Variants in DLC1 observed in about 807,000 individuals in gnomAD.
DLC1 encodes the protein DLC1 Rho GTPase activating protein.
A neutral mutation model predicts 140.3 loss-of-function variants in DLC1; 54 were observed. The observed-to-expected ratio is 0.38, with a 90% CI of 0.31 to 0.48. The LOEUF is 0.48. Ranked by LOEUF, DLC1 falls within the 20% of genes least tolerant of loss-of-function variation. The probability of loss-of-function intolerance (pLI) is 0.96; values close to 1 mark genes in which losing one functional copy is unlikely to be tolerated. For missense variants in DLC1, 2,536 were observed against 1,907.0 expected (o/e 1.33, Z -6.14); for synonymous variants, 986 against 728.1 (o/e 1.35, Z -5.70).
chr8:13,424,290 G>A (rs1312312344), intron 2 of DLC1, among the ~76,000 whole-genome samples: 1 of 151,940 alleles, frequency 6.6e-6, no homozygotes, highest in African/African-American at 2.4e-5. Context: ...GGAGTTCAAG[G>A]TCAGCCTGGC....
chr8:13,393,780 T>A, intron 3 of DLC1, 87 bp from the exon 4 acceptor site: 2 of 1,492,096 alleles, frequency 1.3e-6, no homozygotes, highest in East Asian at 2.3e-5. Flanking sequence ...TGTCACTTCT[T>A]CTTTCTCCCA....
chr8:13,229,235 G>A (rs2117191814), intron 5 of DLC1, among the ~76,000 whole-genome samples: 1 of 152,300 alleles, frequency 6.6e-6, no homozygotes, highest in Non-Finnish European at 1.5e-5. Context: ...TATACACACA[G>A]CAGAATATCA....
intron 1 of DLC1, among the ~76,000 whole-genome samples, chr8:13,544,939 AG>A (rs768916697): frequency 2.6e-5 from 4 of 152,106 alleles, no homozygotes; most frequent in Non-Finnish European, 5.9e-5. Flanking sequence ...TGCCACCTTC[AG>A]GGGGGCACTA....
intron 5 of DLC1, among the ~76,000 whole-genome samples, chr8:13,158,831 G>T (rs1175742350): frequency 6.9e-6 from 1 of 145,884 alleles, no homozygotes; most frequent in Admixed American, 7.2e-5. Context: ...TAGGTAGTTT[G>T]TTTAGCTTCA....
At chr8:13,532,741 C>T (rs1803141786) in intron 1 of DLC1, among the ~76,000 whole-genome samples, 1 of 152,152 alleles carries the variant, frequency 6.6e-6, no homozygotes, top group Admixed American at 6.5e-5. Context: ...AGGTGTGAGC[C>T]ACCAGGCTAA....
intron 4 of DLC1, among the ~76,000 whole-genome samples, chr8:13,378,363 A>T (rs907670262): frequency 2.0e-5 from 3 of 151,844 alleles, no homozygotes; most frequent in Non-Finnish European, 4.4e-5. Context: ...TGATGTATTA[A>T]TTCTCTGTAG....
chr8:13,162,985 T>C (rs1824833631), intron 5 of DLC1, among the ~76,000 whole-genome samples: 1 of 152,160 alleles, frequency 6.6e-6, no homozygotes, highest in Non-Finnish European at 1.5e-5. Flanking sequence ...CTGAGGATCT[T>C]TCCTAAAGTC....
intron 5 of DLC1, among the ~76,000 whole-genome samples, chr8:13,206,063 G>A (rs1827649910): frequency 6.6e-6 from 1 of 152,174 alleles, no homozygotes; most frequent in Admixed American, 6.6e-5. Flanking sequence ...GCTAAGGATA[G>A]AGCAAAGTCA....
intron 16 of DLC1, among the ~76,000 whole-genome samples, chr8:13,086,884 G>T (rs1432962767): frequency 2.0e-5 from 3 of 151,916 alleles, no homozygotes; most frequent in Admixed American, 2.0e-4. Context: ...TATTAGCCGG[G>T]CATGGTGGTG....
intron 1 of DLC1, among the ~76,000 whole-genome samples, chr8:13,553,491 A>G (rs1049978810): frequency 2.7e-5 from 4 of 150,622 alleles, no homozygotes; most frequent in Non-Finnish European, 5.9e-5. Flanking sequence ...CTATTTTTCC[A>G]TTTTCTTCCC....
intron 5 of DLC1, among the ~76,000 whole-genome samples, chr8:13,204,318 C>A (rs576106451): frequency 1.4e-4 from 22 of 152,126 alleles, no homozygotes; most frequent in Non-Finnish European, 3.1e-4. Context: ...CTGAAAAGAG[C>A]AGCTGTCTTT....
chr8:13,309,068 G>C (rs1357599475), intron 4 of DLC1, among the ~76,000 whole-genome samples: 1 of 152,112 alleles, frequency 6.6e-6, no homozygotes, highest in African/African-American at 2.4e-5. Flanking sequence ...TGATGCTTAT[G>C]AGAAAGCTCC....
chr8:13,228,271 T>C (rs1422576996), intron 5 of DLC1, among the ~76,000 whole-genome samples: 1 of 152,036 alleles, frequency 6.6e-6, no homozygotes, highest in African/African-American at 2.4e-5. Flanking sequence ...ACTCATTTCT[T>C]TTTAAGGAGT....
At chr8:13,392,844 C>T (rs1020117744) in intron 4 of DLC1, among the ~76,000 whole-genome samples, 3 of 151,658 alleles carry the variant, frequency 2.0e-5, no homozygotes, top group African/African-American at 7.3e-5. Context: ...GTTTTAATAG[C>T]ATTGTAAAGT....
At chr8:13,501,883 C>G (rs1801837612) in intron 1 of DLC1, among the ~76,000 whole-genome samples, 1 of 152,092 alleles carries the variant, frequency 6.6e-6, no homozygotes, top group Non-Finnish European at 1.5e-5. Flanking sequence ...TAGATGCAAG[C>G]CAGAAAATTT....
chr8:13,114,499 T>G (rs1279379637), intron 6 of DLC1, among the ~76,000 whole-genome samples: 1 of 152,090 alleles, frequency 6.6e-6, no homozygotes. Flanking sequence ...GAAAATGAGA[T>G]GTTAAGAATT....
At chr8:13,457,676 C>CAAAA (rs34916262) in intron 2 of DLC1, among the ~76,000 whole-genome samples, 15 of 54,854 alleles carry the variant, frequency 2.7e-4, no homozygotes, top group South Asian at 9.9e-4. Flanking sequence ...GACTCCATCT[C>CAAAA]AAAAAAAAAA....
intron 5 of DLC1, among the ~76,000 whole-genome samples, chr8:13,148,227 C>T (rs1009687059): frequency 6.6e-6 from 1 of 152,136 alleles, no homozygotes; most frequent in African/African-American, 2.4e-5. Flanking sequence ...ATTATTTCAT[C>T]ACCCAGGAAT....
intron 1 of DLC1, chr8:13,566,728 C>T (rs889985530): frequency 3.4e-5 from 16 of 474,118 alleles, no homozygotes; most frequent in South Asian, 1.2e-4. Flanking sequence ...GAAGACAGGG[C>T]AAAATCGCCA....
Sources: gnomAD v4.1 joint callset for allele counts (sites outside exome capture counted in the v4.1 genomes callset) on GRCh38, gnomAD v4.1.1 for gene constraint, MANE v1.5 for transcripts, NCBI Gene and HGNC (gene_info 2026-07-23, HGNC 2026-07-21) for gene names.